The following PHLDB2 variants were observed in gnomAD, a reference collection of about 807,000 sequenced individuals.
PHLDB2 encodes the protein pleckstrin homology like domain family B member 2.
Under a neutral mutation model 123.6 loss-of-function variants are expected in PHLDB2, and 71 were observed. The observed-to-expected ratio is 0.57, with a 90% confidence interval of 0.47 to 0.70. The LOEUF (loss-of-function observed/expected upper bound fraction) is 0.70. PHLDB2 is among the 30% of genes least tolerant of loss of function. PHLDB2 has a pLI of 0.00. For missense variants in PHLDB2, 1,446 were observed against 1,519.5 expected (o/e 0.95, Z 0.80); for synonymous variants, 547 against 541.6 (o/e 1.01, Z -0.14).
rs2062941455 is a variant in PHLDB2, at chr3:111,830,943, GA to G, written c.-48-14875del. ...ATTTTCTAGAAAGAAAGAAAAGAAG[GA>G]AAGAAAGAAAGAGAAAGAAAGAAAG... On this transcript the variant is annotated intron_variant, in intron 1 of 17. Coordinates refer to the PHLDB2 transcript ENST00000393923. 7.6e-5 allele frequency among the ~76,000 whole-genome samples: 8 copies of G among 104,650 alleles called. 1 individual carries two copies. The highest frequency in any genetic ancestry group is 1.2e-4 in the Admixed American group (1 of 8,528). 68.7% of individuals were successfully genotyped at this position (104,650 alleles called of 152,430 possible).
intron 1 of PHLDB2, among the ~76,000 whole-genome samples, chr3:111,840,911 A>G (rs574309604): frequency 6.6e-6 from 1 of 152,322 alleles, no homozygotes; most frequent in South Asian, 2.1e-4. Context: ...GCATAAAGAC[A>G]TATGTGGACA....
intron 1 of PHLDB2, among the ~76,000 whole-genome samples, chr3:111,745,420 T>C (rs2059665206): frequency 6.6e-6 from 1 of 152,206 alleles, no homozygotes; most frequent in South Asian, 2.1e-4. Flanking sequence ...TCCTATGAGG[T>C]AGCTAATGAT....
chr3:111,834,047 T>TTA lies in PHLDB2; in HGVS notation c.-48-11767_-48-11766dup, dbSNP rs1455843823. Among the ~76,000 whole-genome samples, 57 of 102,980 alleles carry TTA rather than the reference T, an allele frequency of 5.5e-4. 2 individuals are homozygous for TTA. Among genetic ancestry groups the TTA allele is most frequent in the East Asian group, 2.0e-3 (6 of 2,944 alleles). The allele number at this position is 102,980 out of a possible 152,430, so 67.6% of individuals were successfully genotyped here. On this transcript the variant is annotated intron_variant, in intron 1 of 17. Coordinates refer to the PHLDB2 transcript ENST00000393923. The stretch of plus-strand genomic sequence containing the variant: ...TATATATATAATATATGTAATAGAA[T>TTA]TATATATAATATATGTAATAGAATT...
chr3:111,966,773 C>G, intron 14 of PHLDB2, 70 bp downstream of exon 14: 1 of 1,149,098 alleles, frequency 8.7e-7, no homozygotes, highest in Non-Finnish European at 1.3e-6. Context: ...TGGCATCAGA[C>G]AATACTCCTC....
At chr3:111,802,421 T>C (rs9811721) in intron 1 of PHLDB2, among the ~76,000 whole-genome samples, 97,489 of 152,140 alleles carry the variant, frequency 0.64, 31,902 homozygotes, top group East Asian at 0.87. Flanking sequence ...GTATCTCAGG[T>C]CTTGGTTGAG....
chr3:111,822,313 G>GTATATATA (rs1481192749), intron 1 of PHLDB2, among the ~76,000 whole-genome samples: 61 of 149,804 alleles, frequency 4.1e-4, no homozygotes, highest in African/African-American at 1.5e-3. Context: ...GTGTGTGTGT[G>GTATATATA]TGTGTATATA....
rs370182032 is a variant in PHLDB2, at chr3:111,953,925, C to G, written c.2773-5C>G. 2 of 1,612,174 alleles carry G rather than the reference C, an allele frequency of 1.2e-6. No homozygotes were observed. Among genetic ancestry groups the G allele is most frequent in the Admixed American group, 1.7e-5 (1 of 59,868 alleles). On this transcript the variant is annotated splice_region_variant and splice_polypyrimidine_tract_variant and intron_variant, in intron 11 of 17. Coordinates refer to ENST00000431670, the MANE Select transcript of PHLDB2 (RefSeq NM_001134438.2). ...GCCTGAAGTACTCCCTCCTGCTTCC[C>G]GCAGGCCCATCTGCCCCTAGGACAG...
intron 12 of PHLDB2, among the ~76,000 whole-genome samples, 165 bp downstream of exon 12, chr3:111,954,194 A>G (rs1328579819): frequency 6.6e-6 from 1 of 152,172 alleles, no homozygotes. Context: ...AACTTTTCCT[A>G]TTTATACATA....
chr3:111,947,116 T>A (rs1229575168), intron 9 of PHLDB2, among the ~76,000 whole-genome samples: 2 of 152,164 alleles, frequency 1.3e-5, no homozygotes, highest in Admixed American at 1.3e-4. Flanking sequence ...AAGGAATTGT[T>A]TAAGAGGGAA....
chr3:111,857,586 CTTAACTGT>C (rs563990075), upstream of PHLDB2, among the ~76,000 whole-genome samples: 349 of 152,178 alleles, frequency 2.3e-3, 2 homozygotes, highest in African/African-American at 7.9e-3. Flanking sequence ...TGCTGGAGCA[CTTAACTGT>C]TTAACTGTTG....
At chr3:111,781,489 C>A (rs1006276130) in intron 1 of PHLDB2, among the ~76,000 whole-genome samples, 1 of 152,112 alleles carries the variant, frequency 6.6e-6, no homozygotes, top group Non-Finnish European at 1.5e-5. Flanking sequence ...CAATACCAAA[C>A]TTAATTTGGG....
chr3:111,903,325 C>G (rs1012913469), intron 2 of PHLDB2, among the ~76,000 whole-genome samples: 1 of 152,154 alleles, frequency 6.6e-6, no homozygotes, highest in African/African-American at 2.4e-5. Flanking sequence ...CTAGAAGCAA[C>G]TCCACTATAC....
At chr3:111,840,471 C>T (rs1430219129) in intron 1 of PHLDB2, among the ~76,000 whole-genome samples, 3 of 152,094 alleles carry the variant, frequency 2.0e-5, no homozygotes, top group African/African-American at 7.2e-5. Context: ...AATATTTACT[C>T]TAGCATTTTT....
intron 3 of PHLDB2, 159 bp downstream of exon 3, chr3:111,913,861 G>A: frequency 2.1e-6 from 2 of 960,566 alleles, no homozygotes; most frequent in South Asian, 1.7e-5. Context: ...AGCAAATTAG[G>A]GTGTTTACTG....
intron 1 of PHLDB2, among the ~76,000 whole-genome samples, chr3:111,830,129 G>A (rs896911828): frequency 6.6e-6 from 1 of 152,096 alleles, no homozygotes; most frequent in East Asian, 1.9e-4. Context: ...ATTTGGAGCA[G>A]GCCTCCACTT....
chr3:111,945,308 G>GC lies in PHLDB2; in HGVS notation c.2440dup (p.Leu814ProfsTer10). The GC allele has an allele frequency of 3.7e-6, 6 of 1,611,252 alleles. No individual in the cohort carries two copies. The highest frequency in any genetic ancestry group is 5.1e-6 in the Non-Finnish European group (6 of 1,177,768). The stretch of plus-strand genomic sequence containing the variant: ...TGTAATTTGGAAAAGAAATACTCCA[G>GC]CCTCTCTGGGGGGAAAGGGTTTCCC... On this transcript the variant is annotated frameshift_variant, in exon 9 of 18. Transcript: ENST00000431670. LOFTEE classifies it high-confidence loss of function.
chr3:111,794,154 A>T (rs549808594), intron 1 of PHLDB2, among the ~76,000 whole-genome samples: 16 of 152,172 alleles, frequency 1.1e-4, no homozygotes, highest in Non-Finnish European at 2.1e-4. Flanking sequence ...CAGAGTGGCG[A>T]TGCTTTCCAG....
intron 1 of PHLDB2, among the ~76,000 whole-genome samples, chr3:111,746,004 C>T (rs998938882): frequency 2.6e-5 from 4 of 152,140 alleles, no homozygotes; most frequent in African/African-American, 9.7e-5. Context: ...CACATGGTTT[C>T]AGATTACAGC....
chr3:111,739,602 A>T (rs1167409058), intron 1 of PHLDB2, among the ~76,000 whole-genome samples: 1 of 137,608 alleles, frequency 7.3e-6, no homozygotes, highest in Non-Finnish European at 1.5e-5. Context: ...ACAAACAAAA[A>T]AAAAAAACAA....
Sources: gnomAD v4.1 joint callset for allele counts (sites outside exome capture counted in the v4.1 genomes callset) on GRCh38, gnomAD v4.1.1 for gene constraint, MANE v1.5 for transcripts, NCBI Gene and HGNC (gene_info 2026-07-23, HGNC 2026-07-21) for gene names.